The following PCDHA9 variants were observed in gnomAD, a reference collection of about 807,000 sequenced individuals.
PCDHA9 encodes protocadherin alpha 9.
A neutral mutation model predicts 62.0 loss-of-function variants in PCDHA9; 62 were observed. That is an observed-to-expected ratio of 1.00 (90% confidence interval 0.81 to 1.23). PCDHA9 has a LOEUF of 1.23. Ranked by LOEUF, PCDHA9 falls within the 50% of genes most tolerant of loss-of-function variation. PCDHA9 has a pLI of 0.00. For synonymous variants in PCDHA9, 557 were observed against 567.6 expected, an observed-to-expected ratio of 0.98 and a Z score of 0.27; for missense variants, 1,205 against 1,249.8, an observed-to-expected ratio of 0.96 and a Z score of 0.54.
chr5:140,926,538 G>A (rs155362), intron 1 of PCDHA9: 1 of 210,368 alleles, frequency 4.8e-6, no homozygotes, highest in Admixed American at 5.9e-5. Flanking sequence ...CAGCCAGCGT[G>A]GTGGTCGAGA....
chr5:140,982,843 A>G (rs782122104), intron 3 of PCDHA9, among the ~76,000 whole-genome samples: 1 of 152,090 alleles, frequency 6.6e-6, no homozygotes, highest in Non-Finnish European at 1.5e-5. Flanking sequence ...GTTTGTTTAA[A>G]TCAGGTACCT....
Position 140,850,688 on chromosome 5 carries a change from G to C in PCDHA9, c.2193G>C (p.Glu731Asp). The C allele has an allele frequency of 1.3e-6, 2 of 1,598,504 alleles. No individual in the cohort carries two copies. The highest frequency in any genetic ancestry group is 1.7e-6 in the Non-Finnish European group (2 of 1,167,882). ...GCTCGGCGATGCCCACCGAGGGCGA[G>C]TGCGCGCCTGGCAAGCCGACGCTGG... Reference protein sequence around the residue: ...LRCSAMPTEGECAPGKPTLVC... With the variant: ...LRCSAMPTEGDCAPGKPTLVC... Residue 731 changes from glutamate (E) to aspartate (D), a missense_variant, in exon 1 of 4, where the codon GAG (glutamate) becomes GAC (aspartate). This residue lies in a region of PCDHA9 where 887 missense variants were observed against 809.5 expected (regional missense o/e 1.10). Coordinates refer to ENST00000532602, the MANE Select transcript of PCDHA9 (RefSeq NM_031857.2).
intron 1 of PCDHA9, chr5:140,854,477 T>C (rs1479298342): frequency 1.3e-5 from 2 of 149,980 alleles, no homozygotes; most frequent in African/African-American, 2.4e-5. Flanking sequence ...TAGAGAAGTA[T>C]AGAAACAGAA....
chr5:140,944,582 C>T (rs1273246926), intron 1 of PCDHA9, among the ~76,000 whole-genome samples: 1 of 152,146 alleles, frequency 6.6e-6, no homozygotes, highest in Non-Finnish European at 1.5e-5. Flanking sequence ...GAGATCACTT[C>T]AGAATTTCCC....
chr5:140,941,241 T>TTCTTTCTTTC (rs2092943774), intron 1 of PCDHA9, among the ~76,000 whole-genome samples: 1 of 140,458 alleles, frequency 7.1e-6, no homozygotes, highest in African/African-American at 2.7e-5. Flanking sequence ...CTTTCTTTCT[T>TTCTTTCTTTC]TCTTTCTTTC....
chr5:140,910,737 G>A (rs1405978966), intron 1 of PCDHA9, among the ~76,000 whole-genome samples: 2 of 152,008 alleles, frequency 1.3e-5, no homozygotes, highest in African/African-American at 4.8e-5. Context: ...AGCTAACCAA[G>A]CACATAAATT....
intron 1 of PCDHA9, chr5:140,876,573 C>T (rs2056433061): frequency 6.2e-7 from 1 of 1,614,152 alleles, no homozygotes; most frequent in South Asian, 1.1e-5. Context: ...AGGTGGGTAC[C>T]GTCATTGCCC....
At chr5:141,008,014 CT>C (rs1268690822) in intron 3 of PCDHA9, among the ~76,000 whole-genome samples, 12 of 152,070 alleles carry the variant, frequency 7.9e-5, no homozygotes, top group African/African-American at 1.7e-4. Flanking sequence ...CTTCTGTTTC[CT>C]TTTTTTTCTT....
chr5:140,975,149 T>A (rs990599895), intron 1 of PCDHA9, among the ~76,000 whole-genome samples: 1 of 152,202 alleles, frequency 6.6e-6, no homozygotes, highest in Non-Finnish European at 1.5e-5. Flanking sequence ...CACTCTCAGT[T>A]CCTAGAGAAC....
intron 1 of PCDHA9, among the ~76,000 whole-genome samples, chr5:140,940,583 G>A (rs1294741133): frequency 6.6e-6 from 1 of 151,990 alleles, no homozygotes; most frequent in East Asian, 1.9e-4. Flanking sequence ...AAAGTGTTGG[G>A]ATTTCAGGCA....
chr5:140,889,205 A>G (rs573455914), intron 1 of PCDHA9, among the ~76,000 whole-genome samples: 1 of 151,946 alleles, frequency 6.6e-6, no homozygotes, highest in East Asian at 2.0e-4. Context: ...TGAATACTTA[A>G]CAAAGAAGAA....
At chr5:140,927,288 C>T (rs917590577) in intron 1 of PCDHA9, 1 of 1,614,196 alleles carries the variant, frequency 6.2e-7, no homozygotes, top group Non-Finnish European at 8.5e-7. Context: ...TGCAGCTGCA[C>T]ATCCCCGAGT....
chr5:140,906,680 C>T (rs2072848945), intron 1 of PCDHA9, among the ~76,000 whole-genome samples: 2 of 152,166 alleles, frequency 1.3e-5, no homozygotes, highest in Admixed American at 6.5e-5. Context: ...AACCTTCATT[C>T]CTGAAGGATC....
chr5:140,857,895 G>A lies in PCDHA9; in HGVS notation c.2394+7006G>A, dbSNP rs373881159. Reference sequence around the variant, plus strand: ...TATGAATTGCAGTCGGCGGCGGTTGGTGCACGCATCCCGTTTCGCGTGGGG... The same window carrying A: ...TATGAATTGCAGTCGGCGGCGGTTGATGCACGCATCCCGTTTCGCGTGGGG... On this transcript the variant is annotated intron_variant, in intron 1 of 3. Transcript: ENST00000532602. The A allele has an allele frequency of 3.9e-5, 62 of 1,597,752 alleles. 5 individuals carry two copies. Among genetic ancestry groups the A allele is most frequent in the Non-Finnish European group, 5.1e-5 (59 of 1,167,572 alleles).
intron 1 of PCDHA9, chr5:140,856,277 A>T: frequency 1.9e-6 from 3 of 1,598,280 alleles, no homozygotes; most frequent in Non-Finnish European, 2.6e-6. Flanking sequence ...TCTGGAGGTA[A>T]ATCTGCAGAA....
At chr5:140,851,590 A>T in intron 1 of PCDHA9, 1 of 918,156 alleles carries the variant, frequency 1.1e-6, no homozygotes, top group Non-Finnish European at 1.3e-6. Flanking sequence ...ATTTTTTGAA[A>T]TTCAGTTTAC....
intron 1 of PCDHA9, chr5:140,863,602 T>G: frequency 1.4e-5 from 5 of 354,858 alleles, no homozygotes; most frequent in South Asian, 1.1e-4. Flanking sequence ...TTCATTCCTA[T>G]TAATGTCCCT....
intron 1 of PCDHA9, chr5:140,967,692 G>C (rs781940460): frequency 6.2e-7 from 1 of 1,614,196 alleles, no homozygotes; most frequent in Admixed American, 1.7e-5. Flanking sequence ...CAGCTCTTCA[G>C]CATAGATGCC....
chr5:140,851,897 C>T (rs1308914587), intron 1 of PCDHA9: 1 of 973,518 alleles, frequency 1.0e-6, no homozygotes, highest in African/African-American at 1.8e-5. Context: ...TGAGATTTGC[C>T]TCTTTAATGT....
Sources: allele counts gnomAD v4.1 joint callset (sites outside exome capture counted in the v4.1 genomes callset), GRCh38; gene constraint gnomAD v4.1.1; regional missense constraint gnomAD v4.1.1; transcripts MANE v1.5; gene names NCBI Gene and HGNC (gene_info 2026-07-23, HGNC 2026-07-21).